CCDC170: variants seen among roughly 807,000 people sequenced by gnomAD.
CCDC170 encodes the protein coiled-coil domain containing 170, also known as coiled-coil domain-containing protein 170.
A neutral mutation model predicts 72.6 loss-of-function variants in CCDC170; 69 were observed. The ratio of observed to expected loss-of-function variants is 0.95; its 90% CI spans 0.78 to 1.16. The LOEUF (loss-of-function observed/expected upper bound fraction) is 1.16. Among genes scored for constraint, CCDC170 ranks in the 50% most tolerant of loss-of-function variants. CCDC170 has a pLI of 0.00. For missense variants in CCDC170, 852 were observed against 832.5 expected, an observed-to-expected ratio of 1.02 and a Z score of -0.29; for synonymous variants, 300 against 303.9, an observed-to-expected ratio of 0.99 and a Z score of 0.13.
intron 1 of CCDC170, 37 bp downstream of exon 1, chr6:151,494,222 C>T: frequency 6.7e-7 from 1 of 1,483,058 alleles, no homozygotes. Context: ...CGGGGGTGGC[C>T]CTGGGGATAG....
chr6:151,542,073 T>C (rs1414656671), intron 3 of CCDC170, among the ~76,000 whole-genome samples: 2 of 151,266 alleles, frequency 1.3e-5, no homozygotes, highest in Non-Finnish European at 2.9e-5. Context: ...AGAGACGGGG[T>C]TTTGCCATGT....
At chr6:151,591,426 A>C (rs1334545660) in intron 7 of CCDC170, among the ~76,000 whole-genome samples, 1 of 152,050 alleles carries the variant, frequency 6.6e-6, no homozygotes, top group Non-Finnish European at 1.5e-5. Context: ...GACTGCTAAA[A>C]TATGAATCTT....
chr6:151,584,387 C>T (rs1238911913), intron 6 of CCDC170, among the ~76,000 whole-genome samples: 2 of 151,962 alleles, frequency 1.3e-5, no homozygotes, highest in Non-Finnish European at 2.9e-5. Flanking sequence ...GAAAGGAATG[C>T]TTAAGTGAAT....
chr6:151,613,497 A>G (rs1362474535), intron 9 of CCDC170, among the ~76,000 whole-genome samples: 1 of 152,176 alleles, frequency 6.6e-6, no homozygotes, highest in Non-Finnish European at 1.5e-5. Flanking sequence ...CCCCTCCAAG[A>G]GAAACCCTGT....
intron 1 of CCDC170, among the ~76,000 whole-genome samples, chr6:151,522,623 C>T (rs1406171322): frequency 6.6e-6 from 1 of 152,212 alleles, no homozygotes; most frequent in Non-Finnish European, 1.5e-5. Flanking sequence ...GGGCCACGTG[C>T]ATCAGGGAAA....
chr6:151,511,631 A>C (rs1782152397), intron 1 of CCDC170, among the ~76,000 whole-genome samples: 1 of 152,176 alleles, frequency 6.6e-6, no homozygotes, highest in Non-Finnish European at 1.5e-5. Flanking sequence ...CATATATTTC[A>C]TGAGTGCATA....
intron 7 of CCDC170, among the ~76,000 whole-genome samples, chr6:151,592,833 T>C (rs914592476): frequency 2.6e-5 from 4 of 152,216 alleles, no homozygotes; most frequent in African/African-American, 9.7e-5. Flanking sequence ...CCAAATGTGT[T>C]GTTTGGCAGA....
intron 9 of CCDC170, among the ~76,000 whole-genome samples, chr6:151,610,180 TAATC>T (rs1483139336): frequency 2.6e-5 from 4 of 152,216 alleles, no homozygotes; most frequent in African/African-American, 7.2e-5. Flanking sequence ...GATATTTACT[TAATC>T]AATGTAATGT....
intron 9 of CCDC170, among the ~76,000 whole-genome samples, chr6:151,603,492 A>C (rs1224998510): frequency 6.6e-6 from 1 of 152,214 alleles, no homozygotes; most frequent in African/African-American, 2.4e-5. Flanking sequence ...CACAAATGCA[A>C]ATGCCAAGTA....
rs375379075 is a variant in CCDC170, at chr6:151,593,262, C to T, written c.1449C>T (p.Ala483=). Residue 483 remains alanine, a synonymous_variant, in exon 8 of 11, where the codon GCC becomes GCT. Coordinates refer to ENST00000239374, the MANE Select transcript of CCDC170 (RefSeq NM_025059.4). ...SNAVIENKTI[A]HNLQRKLKTQ... ...CAGTCATTGAGAACAAGACCATTGC[C>T]CACAATTTGCAGAGAAAGGTAGGAG... The T allele has an allele frequency of 4.0e-5, 65 of 1,613,592 alleles. No homozygotes were observed. In the African/African-American group the frequency reaches 7.7e-4, roughly 19 times the overall value.
Position 151,576,994 on chromosome 6 carries a change from C to T in CCDC170, c.1092+3503C>T, listed in dbSNP as rs532791423. On this transcript the variant is annotated intron_variant, in intron 6 of 10. Coordinates refer to ENST00000239374, the MANE Select transcript of CCDC170 (RefSeq NM_025059.4). ...CCCTGTGCTATCCATTTTTCCCCTC[C>T]TGTGTTTGCAATTCTCAGTAGAATT... Among the ~76,000 whole-genome samples, 4 of 152,292 alleles carry T rather than the reference C, an allele frequency of 2.6e-5. No homozygotes were observed. In the South Asian group the frequency reaches 8.3e-4, roughly 32 times the overall value.
At chr6:151,577,276 A>T (rs1337795099) in intron 6 of CCDC170, among the ~76,000 whole-genome samples, 1 of 152,088 alleles carries the variant, frequency 6.6e-6, no homozygotes, top group Non-Finnish European at 1.5e-5. Context: ...ACAACCACAG[A>T]TGTCTTTAGA....
At chr6:151,565,379 T>C (rs972326063) in intron 5 of CCDC170, among the ~76,000 whole-genome samples, 113 of 152,282 alleles carry the variant, frequency 7.4e-4, no homozygotes, top group African/African-American at 2.6e-3. Flanking sequence ...TGAGGGGCTC[T>C]CTGGTGGCTG....
intron 9 of CCDC170, among the ~76,000 whole-genome samples, chr6:151,600,921 G>A (rs1449751346): frequency 6.6e-6 from 1 of 151,934 alleles, no homozygotes; most frequent in East Asian, 1.9e-4. Flanking sequence ...TTCAACTTCT[G>A]GTAACCAGTC....
At chr6:151,576,061 T>G (rs922253298) in intron 6 of CCDC170, among the ~76,000 whole-genome samples, 4 of 152,212 alleles carry the variant, frequency 2.6e-5, no homozygotes, top group African/African-American at 9.6e-5. Flanking sequence ...AAATTTAATT[T>G]AAAAAATTTT....
intron 7 of CCDC170, chr6:151,592,881 A>T (rs1297827729): frequency 1.7e-6 from 1 of 571,894 alleles, no homozygotes. Context: ...GAACATGAAC[A>T]TCAAGGGCTA....
chr6:151,511,030 C>T (rs1416278855), intron 1 of CCDC170, among the ~76,000 whole-genome samples: 19 of 152,104 alleles, frequency 1.2e-4, no homozygotes. Flanking sequence ...GCCACTGCAC[C>T]CAGCCTCAAG....
Position 151,507,218 on chromosome 6 carries a change from G to A in CCDC170, c.57+13033G>A, listed in dbSNP as rs1428346904. Among the ~76,000 whole-genome samples the A allele has an allele frequency of 7.2e-5, 11 of 152,202 alleles. 1 individual carries two copies. In the South Asian group the frequency reaches 2.1e-3, roughly 29 times the overall value. On this transcript the variant is annotated intron_variant, in intron 1 of 10. Coordinates refer to ENST00000239374, the MANE Select transcript of CCDC170 (RefSeq NM_025059.4). The stretch of plus-strand genomic sequence containing the variant: ...CCTGTTGTAGCCCCTGCCCAATTTC[G>A]TAGAGAGACAGGGCTGACCAATCCA...
intron 7 of CCDC170, among the ~76,000 whole-genome samples, chr6:151,590,475 G>T (rs1041148520): frequency 6.6e-6 from 1 of 152,080 alleles, no homozygotes; most frequent in African/African-American, 2.4e-5. Context: ...ATTTTCCGTC[G>T]CTAACTGCAT....
Sources: allele counts gnomAD v4.1 joint callset (sites outside exome capture counted in the v4.1 genomes callset), GRCh38; gene constraint gnomAD v4.1.1; transcripts MANE v1.5; gene names NCBI Gene and HGNC (gene_info 2026-07-23, HGNC 2026-07-21).